EDIL3: variants seen among roughly 807,000 people sequenced by gnomAD.
The protein encoded by EDIL3 is EGF like and discoidin domains 3.
EDIL3 carries 37 observed loss-of-function variants against 67.4 expected under a neutral mutation model. The observed-to-expected ratio is 0.55, with a 90% confidence interval of 0.42 to 0.72. The LOEUF (loss-of-function observed/expected upper bound fraction) is 0.72. EDIL3 is among the 30% of genes least tolerant of loss of function. The pLI, the probability that EDIL3 is intolerant of heterozygous loss-of-function variation, is 0.00. For missense variants in EDIL3, 527 were observed against 586.3 expected (o/e 0.90, Z 1.04); for synonymous variants, 195 against 196.3 (o/e 0.99, Z 0.05).
chr5:84,269,201 T>C (rs1159866989), intron 1 of EDIL3, among the ~76,000 whole-genome samples: 1 of 152,174 alleles, frequency 6.6e-6, no homozygotes, highest in Non-Finnish European at 1.5e-5. Context: ...GTCTCAGAGA[T>C]TGTCAGCACA....
intron 1 of EDIL3, among the ~76,000 whole-genome samples, chr5:84,349,288 T>G: frequency 6.6e-6 from 1 of 152,262 alleles, no homozygotes; most frequent in Non-Finnish European, 1.5e-5. Context: ...AGCCGTTCCA[T>G]GTGTGTTCTC....
At chr5:84,147,218 G>A (rs1396629223) in intron 4 of EDIL3, among the ~76,000 whole-genome samples, 3 of 151,950 alleles carry the variant, frequency 2.0e-5, no homozygotes, top group Non-Finnish European at 2.9e-5. Flanking sequence ...TCAAAATGTT[G>A]CAGGTGACTG....
chr5:84,154,860 C>A (rs1272481330), intron 4 of EDIL3, among the ~76,000 whole-genome samples: 2 of 151,896 alleles, frequency 1.3e-5, no homozygotes, highest in African/African-American at 2.4e-5. Flanking sequence ...CCACCACGCC[C>A]AGCTAATTTT....
At chr5:84,137,184 T>TACAC (rs70975542) in intron 5 of EDIL3, 57 bp downstream of exon 5, 23,550 of 899,474 alleles carry the variant, frequency 0.026, 175 homozygotes, top group African/African-American at 0.05. Context: ...TGTGTATACA[T>TACAC]ACACACACAC....
intron 1 of EDIL3, among the ~76,000 whole-genome samples, chr5:84,297,662 C>G (rs1580061861): frequency 6.6e-6 from 1 of 152,050 alleles, no homozygotes; most frequent in African/African-American, 2.4e-5. Context: ...GCTCTGGGAG[C>G]CCATGCTATT....
intron 3 of EDIL3, among the ~76,000 whole-genome samples, chr5:84,209,463 G>A (rs1305295850): frequency 6.6e-6 from 1 of 152,078 alleles, no homozygotes; most frequent in Non-Finnish European, 1.5e-5. Flanking sequence ...AAGAAAGAAT[G>A]AATAAATGTA....
intron 1 of EDIL3, among the ~76,000 whole-genome samples, chr5:84,381,478 G>A (rs926951615): frequency 2.0e-5 from 3 of 152,078 alleles, no homozygotes; most frequent in African/African-American, 7.2e-5. Context: ...TAAGATAAAA[G>A]AAACTCCTTA....
At position 84,214,395 on chromosome 5, in the gene EDIL3, A is replaced by AC. The variant is rs202038862; in HGVS notation, c.226+15459dup. Among the ~76,000 whole-genome samples, 22 of 151,206 alleles carry AC rather than the reference A, an allele frequency of 1.5e-4. 1 individual carries two copies. In the East Asian group the frequency reaches 4.3e-3, roughly 30 times the overall value. On this transcript the variant is annotated intron_variant, in intron 3 of 10. Coordinates refer to ENST00000296591, the MANE Select transcript of EDIL3 (RefSeq NM_005711.5). ...GATATTTGCATACAACCTATGTATA[A>AC]CCCCCGCCCCCCGCCACTTTACATC...
chr5:83,963,478 A>T, intron 9 of EDIL3, 118 bp from the exon 10 acceptor site: 1 of 1,185,230 alleles, frequency 8.4e-7, no homozygotes, highest in Non-Finnish European at 1.1e-6. Context: ...CTGTCTAGTT[A>T]TTTGTATTTT....
chr5:84,302,846 T>C (rs542669282), intron 1 of EDIL3, among the ~76,000 whole-genome samples: 1 of 152,326 alleles, frequency 6.6e-6, no homozygotes, highest in South Asian at 2.1e-4. Flanking sequence ...TCAAAATTTA[T>C]AGAGAAGACT....
chr5:84,356,391 A>C (rs1747480618), intron 1 of EDIL3, among the ~76,000 whole-genome samples: 1 of 152,224 alleles, frequency 6.6e-6, no homozygotes, highest in Admixed American at 6.5e-5. Flanking sequence ...CCTATTCCAG[A>C]ACTGCACTCC....
At chr5:83,953,461 G>T (rs936093736) in intron 10 of EDIL3, among the ~76,000 whole-genome samples, 1 of 151,558 alleles carries the variant, frequency 6.6e-6, no homozygotes, top group Admixed American at 6.6e-5. Context: ...ATGGCTATTG[G>T]GGTATTACCA....
intron 1 of EDIL3, among the ~76,000 whole-genome samples, chr5:84,302,317 G>A (rs1343066377): frequency 6.6e-6 from 1 of 151,756 alleles, no homozygotes; most frequent in African/African-American, 2.4e-5. Flanking sequence ...ATTATTTTGA[G>A]ACAGAGTCTC....
chr5:84,007,677 G>A (rs1440252302), intron 9 of EDIL3, among the ~76,000 whole-genome samples: 1 of 152,144 alleles, frequency 6.6e-6, no homozygotes, highest in African/African-American at 2.4e-5. Flanking sequence ...CACTATTGGT[G>A]GGAATGTAAA....
chr5:84,319,476 ACAAAAAACAAAAAACAAC>A (rs1746581711), intron 1 of EDIL3, among the ~76,000 whole-genome samples: 1 of 83,476 alleles, frequency 1.2e-5, no homozygotes, highest in Admixed American at 1.3e-4. Flanking sequence ...AAAAAAAAAA[ACAAAAAACAAAAAACAAC>A]AAAAAAAAAA....
intron 4 of EDIL3, among the ~76,000 whole-genome samples, chr5:84,164,079 G>T (rs976962548): frequency 6.6e-6 from 1 of 152,048 alleles, no homozygotes; most frequent in Non-Finnish European, 1.5e-5. Context: ...CATATATGCA[G>T]ATACAACTGA....
chr5:84,245,141 A>G (rs1417800099), intron 2 of EDIL3, among the ~76,000 whole-genome samples: 3 of 152,224 alleles, frequency 2.0e-5, no homozygotes, highest in Admixed American at 2.0e-4. Flanking sequence ...TTTATTAACT[A>G]AACTCTTCAC....
At chr5:84,231,382 C>T (rs577512663) in intron 2 of EDIL3, among the ~76,000 whole-genome samples, 2 of 152,336 alleles carry the variant, frequency 1.3e-5, no homozygotes, top group South Asian at 4.1e-4. Flanking sequence ...TACAGAACTG[C>T]AGTTTACCCA....
At chr5:84,374,556 C>T (rs1747925497) in intron 1 of EDIL3, among the ~76,000 whole-genome samples, 1 of 152,096 alleles carries the variant, frequency 6.6e-6, no homozygotes, top group African/African-American at 2.4e-5. Flanking sequence ...AAACAATTTA[C>T]AGCTATACCA....
Sources: allele counts gnomAD v4.1 joint callset (sites outside exome capture counted in the v4.1 genomes callset), GRCh38; gene constraint gnomAD v4.1.1; transcripts MANE v1.5; gene names NCBI Gene and HGNC (gene_info 2026-07-23, HGNC 2026-07-21).